DEPDC5: variants seen among roughly 807,000 people sequenced by gnomAD.
DEPDC5 encodes the protein DEP domain containing 5, GATOR1 subcomplex subunit, also known as GATOR1 complex protein DEPDC5.
DEPDC5 carries 73 observed loss-of-function variants against 217.3 expected under a neutral mutation model. That is an observed-to-expected ratio of 0.34 (90% CI 0.28 to 0.41). The LOEUF (loss-of-function observed/expected upper bound fraction) is 0.41. Ranked by LOEUF, DEPDC5 falls within the 10% of genes least tolerant of loss-of-function variation. The pLI is 1.00. For synonymous variants in DEPDC5, 733 were observed against 756.7 expected (o/e 0.97, Z 0.51); for missense variants, 1,675 against 2,070.1 (o/e 0.81, Z 3.70).
intron 11 of DEPDC5, 86 bp downstream of exon 11, chr22:31,792,188 C>A: frequency 9.8e-7 from 1 of 1,017,416 alleles, no homozygotes; most frequent in Non-Finnish European, 1.5e-6. Context: ...TTTTTTTCCT[C>A]GTTGCACTTT....
Position 31,760,712 on chromosome 22 carries a change from A to AT in DEPDC5, c.193+11dup. 1 of 1,599,816 alleles carries AT rather than the reference A, an allele frequency of 6.3e-7. No homozygotes were observed. ...GAAGATTTACAGAAGGGTAAGAATT[A>AT]TATCACTCTTCTTAGAATTTTTTAT... On this transcript the variant is annotated intron_variant, in intron 4 of 42. Transcript: ENST00000651528.
chr22:31,864,841 A>G (rs2092641524), intron 33 of DEPDC5, among the ~76,000 whole-genome samples: 1 of 152,084 alleles, frequency 6.6e-6, no homozygotes, highest in Non-Finnish European at 1.5e-5. Context: ...GGCATCTGCC[A>G]CCACAGCCAG....
chr22:31,766,062 T>A (rs968968890), intron 5 of DEPDC5, among the ~76,000 whole-genome samples: 2 of 152,192 alleles, frequency 1.3e-5, no homozygotes, highest in Admixed American at 6.6e-5. Flanking sequence ...GTAGCCTACA[T>A]GTCATTTAGA....
chr22:31,761,028 T>A (rs1158417411), intron 4 of DEPDC5, among the ~76,000 whole-genome samples: 1 of 151,572 alleles, frequency 6.6e-6, no homozygotes. Context: ...GTCACCCAGG[T>A]TGGAGTGCAG....
chr22:31,762,164 A>T (rs1200908665), intron 4 of DEPDC5, among the ~76,000 whole-genome samples: 2 of 152,040 alleles, frequency 1.3e-5, no homozygotes, highest in Admixed American at 1.3e-4. Flanking sequence ...TTGGGGAGGA[A>T]GAAATATATA....
At chr22:31,879,388 A>G in intron 37 of DEPDC5, 137 bp from the exon 38 acceptor site, 1 of 762,128 alleles carries the variant, frequency 1.3e-6, no homozygotes, top group Non-Finnish European at 2.1e-6. Context: ...ACATAAATGG[A>G]ACTATACAGT....
intron 23 of DEPDC5, among the ~76,000 whole-genome samples, chr22:31,822,037 T>G (rs1308302093): frequency 2.0e-5 from 3 of 152,188 alleles, no homozygotes; most frequent in Non-Finnish European, 2.9e-5. Flanking sequence ...CATTCAGAAA[T>G]AAATCCCACT....
At chr22:31,774,564 G>A (rs1186449303) in intron 7 of DEPDC5, among the ~76,000 whole-genome samples, 3 of 151,930 alleles carry the variant, frequency 2.0e-5, no homozygotes, top group Non-Finnish European at 4.4e-5. Flanking sequence ...GAGCTGGCTG[G>A]GTGCGGTGGC....
intron 31 of DEPDC5, among the ~76,000 whole-genome samples, chr22:31,856,200 T>G (rs2092293252): frequency 7.3e-6 from 1 of 136,192 alleles, no homozygotes; most frequent in Non-Finnish European, 1.5e-5. Flanking sequence ...CTTCATTGCC[T>G]ATGACACACA....
chr22:31,800,563 G>A (rs545652151), intron 14 of DEPDC5, among the ~76,000 whole-genome samples: 10 of 151,882 alleles, frequency 6.6e-5, no homozygotes, highest in African/African-American at 9.7e-5. Flanking sequence ...TGACTTACTC[G>A]AACTGTGTTA....
chr22:31,776,099 T>TTTTGTTTTG (rs1266543571), intron 7 of DEPDC5, among the ~76,000 whole-genome samples: 1 of 148,884 alleles, frequency 6.7e-6, no homozygotes. Context: ...TCATTGTCTC[T>TTTTGTTTTG]TTTGTTTTGT....
intron 12 of DEPDC5, among the ~76,000 whole-genome samples, chr22:31,797,314 A>G (rs2086352161): frequency 6.6e-6 from 1 of 152,122 alleles, no homozygotes; most frequent in Non-Finnish European, 1.5e-5. Flanking sequence ...GAAACTTACA[A>G]TCCTGGTGGA....
chr22:31,797,397 C>T (rs2086364547), intron 12 of DEPDC5, among the ~76,000 whole-genome samples: 2 of 152,060 alleles, frequency 1.3e-5, no homozygotes, highest in South Asian at 2.1e-4. Flanking sequence ...GAAACTGCCC[C>T]TTTTAAACCA....
chr22:31,879,988 T>C, intron 38 of DEPDC5: 1 of 528,134 alleles, frequency 1.9e-6, no homozygotes, highest in Non-Finnish European at 3.4e-6. Flanking sequence ...CAGAACATAG[T>C]GCCAGACCTG....
chr22:31,840,044 C>G (rs1178301874), intron 27 of DEPDC5, among the ~76,000 whole-genome samples: 1 of 152,166 alleles, frequency 6.6e-6, no homozygotes, highest in Admixed American at 6.5e-5. Flanking sequence ...GAAGCACTTA[C>G]TCTGCCTGGC....
At chr22:31,842,548 T>G (rs1021659745) in intron 27 of DEPDC5, among the ~76,000 whole-genome samples, 7 of 146,420 alleles carry the variant, frequency 4.8e-5, no homozygotes, top group Non-Finnish European at 8.9e-5. Context: ...GCACTCCAGC[T>G]TGGGCAACAA....
At position 31,846,993 on chromosome 22, in the gene DEPDC5, T is replaced by G. The variant is rs757122079; in HGVS notation, c.3155+26T>G. On this transcript the variant is annotated intron_variant, in intron 31 of 42. Coordinates refer to ENST00000651528, the MANE Select transcript of DEPDC5 (RefSeq NM_001242896.3). ...GTAAGTGCTTGGTGGAAGACTGACT[T>G]GTCCCCACCTTGACAGCCCTGAGGG... 3 of 1,614,072 alleles carry G rather than the reference T, an allele frequency of 1.9e-6. No homozygotes were observed. In the African/African-American group the frequency reaches 4.0e-5, roughly 22 times the overall value.
chr22:31,858,560 A>G (rs958909242), intron 32 of DEPDC5: 1 of 152,122 alleles, frequency 6.6e-6, no homozygotes, highest in African/African-American at 2.4e-5. Context: ...TGTTTATTTT[A>G]CCTCCATATC....
chr22:31,807,289 A>T (rs1225141267), intron 18 of DEPDC5, among the ~76,000 whole-genome samples: 1 of 152,220 alleles, frequency 6.6e-6, no homozygotes, highest in Non-Finnish European at 1.5e-5. Context: ...ATATGCAAAT[A>T]CATCTGGGTT....
Sources: allele counts gnomAD v4.1 joint callset (sites outside exome capture counted in the v4.1 genomes callset), GRCh38; gene constraint gnomAD v4.1.1; transcripts MANE v1.5; gene names NCBI Gene and HGNC (gene_info 2026-07-23, HGNC 2026-07-21).